CCDC33: variants seen among roughly 807,000 people sequenced by gnomAD.
CCDC33 encodes the protein coiled-coil domain-containing protein 33.
A neutral mutation model predicts 91.9 loss-of-function variants in CCDC33; 94 were observed. The ratio of observed to expected loss-of-function variants is 1.02; its 90% CI spans 0.87 to 1.21. CCDC33 has a LOEUF of 1.21. Ranked by LOEUF, CCDC33 falls within the 50% of genes most tolerant of loss-of-function variation. CCDC33 has a pLI of 0.00. For synonymous variants in CCDC33, 396 were observed against 374.5 expected (o/e 1.06, Z -0.66); for missense variants, 940 against 935.5 (o/e 1.00, Z -0.06).
intron 5 of CCDC33, among the ~76,000 whole-genome samples, chr15:74,271,048 G>C (rs1258370980): frequency 6.6e-6 from 1 of 152,118 alleles, no homozygotes; most frequent in African/African-American, 2.4e-5. Flanking sequence ...CTATGATCCT[G>C]TTCCAAACCA....
chr15:74,223,276 T>C (rs1463639017), intron 2 of CCDC33, among the ~76,000 whole-genome samples: 2 of 152,038 alleles, frequency 1.3e-5, no homozygotes, highest in Non-Finnish European at 2.9e-5. Flanking sequence ...AAAGAGAGGC[T>C]CTAGAAAGCA....
At position 74,218,931 on chromosome 15, in the gene CCDC33, C is replaced by T; in HGVS notation, c.675+70C>T. 1.7e-6 allele frequency: 2 copies of T among 1,186,374 alleles called. No homozygotes were observed. Among genetic ancestry groups the T allele is most frequent in the Non-Finnish European group, 2.1e-6 (2 of 937,642 alleles). The allele number at this position is 1,186,374 out of a possible 1,614,324, so 73.5% of individuals were successfully genotyped here. A position where few individuals can be genotyped will look rare whatever the true frequency, so the allele number is the denominator to read the frequency against. On this transcript the variant is annotated intron_variant, in intron 2 of 2. Transcript: ENST00000635913. The surrounding 1 kb of genome is among the most constrained non-coding windows in gnomAD (Gnocchi z 4.8). ...TACAAGACCCAGCCTCCGTGATAAGCCAGGCTACCCCCTGTCCTGAGCTGA... is the reference window on the plus strand; with the variant it reads ...TACAAGACCCAGCCTCCGTGATAAGTCAGGCTACCCCCTGTCCTGAGCTGA...
chr15:74,271,848 AG>A (rs1249421463), intron 6 of CCDC33, 54 bp downstream of exon 6: 2 of 1,471,062 alleles, frequency 1.4e-6, no homozygotes, highest in African/African-American at 1.4e-5. Context: ...AGGGCAGAGG[AG>A]GGGGTGAGGC....
chr15:74,251,052 G>T (rs774176017), intron 2 of CCDC33, among the ~76,000 whole-genome samples: 4 of 152,218 alleles, frequency 2.6e-5, no homozygotes, highest in Non-Finnish European at 5.9e-5. Flanking sequence ...CTGACTCCCT[G>T]TATGAACTCA....
At chr15:74,289,351 A>G (rs2059542476) in intron 10 of CCDC33, among the ~76,000 whole-genome samples, 1 of 152,206 alleles carries the variant, frequency 6.6e-6, no homozygotes, top group African/African-American at 2.4e-5. Context: ...CAGAATGGGA[A>G]GGGCTGGATG....
At chr15:74,315,249 A>C (rs930847962) in intron 11 of CCDC33, among the ~76,000 whole-genome samples, 2 of 152,188 alleles carry the variant, frequency 1.3e-5, no homozygotes, top group Admixed American at 1.3e-4. Flanking sequence ...CATGGCTATC[A>C]ACATCCTGCG....
At chr15:74,269,502 G>A (rs970631340) in intron 5 of CCDC33, among the ~76,000 whole-genome samples, 2 of 152,032 alleles carry the variant, frequency 1.3e-5, no homozygotes, top group African/African-American at 2.4e-5. Flanking sequence ...TCTGCTCCCC[G>A]CCACCTTCTA....
chr15:74,264,435 A>G (rs1330983689), intron 3 of CCDC33, among the ~76,000 whole-genome samples: 1 of 152,026 alleles, frequency 6.6e-6, no homozygotes. Flanking sequence ...AGCAGGGAGG[A>G]GTGGCTGTCC....
intron 1 of CCDC33, among the ~76,000 whole-genome samples, chr15:74,239,764 G>A (rs2075286901): frequency 6.6e-6 from 1 of 152,196 alleles, no homozygotes; most frequent in Non-Finnish European, 1.5e-5. Flanking sequence ...GCCAAGAGGA[G>A]GCATGAATTC....
At chr15:74,330,884 G>A in intron 13 of CCDC33, 97 bp from the exon 14 acceptor site, 8 of 1,519,626 alleles carry the variant, frequency 5.3e-6, no homozygotes, top group Non-Finnish European at 7.2e-6. Context: ...GACCAGCCTG[G>A]TGGAGGATTC....
chr15:74,253,811 A>G (rs193095758), intron 2 of CCDC33, among the ~76,000 whole-genome samples: 10 of 152,286 alleles, frequency 6.6e-5, no homozygotes, highest in African/African-American at 2.4e-4. Context: ...TGCCCGTCCT[A>G]CTGATCTCTA....
chr15:74,260,068 G>A (rs780736963), intron 2 of CCDC33, among the ~76,000 whole-genome samples: 17 of 152,328 alleles, frequency 1.1e-4, no homozygotes, highest in Middle Eastern at 3.4e-3. Flanking sequence ...GTAGCAGATC[G>A]GGTGGCTGGG....
At chr15:74,295,408 T>C (rs1257773550) in intron 10 of CCDC33, among the ~76,000 whole-genome samples, 1 of 152,210 alleles carries the variant, frequency 6.6e-6, no homozygotes, top group Non-Finnish European at 1.5e-5. Context: ...AGAGTGGGCC[T>C]CTATCTCAAA....
chr15:74,275,407 C>G (rs2076424553), intron 7 of CCDC33, among the ~76,000 whole-genome samples: 3 of 152,242 alleles, frequency 2.0e-5, no homozygotes, highest in Non-Finnish European at 4.4e-5. Flanking sequence ...CCCTCTGAGG[C>G]CAGCCTCACC....
chr15:74,205,766 C>T (rs150762459), intron 1 of CCDC33, among the ~76,000 whole-genome samples: 29 of 152,336 alleles, frequency 1.9e-4, no homozygotes, highest in Non-Finnish European at 3.4e-4. Context: ...ACGGAGAGCC[C>T]AGTGCCAACA....
chr15:74,302,811 C>T (rs1389899564), intron 11 of CCDC33: 1 of 152,836 alleles, frequency 6.5e-6, no homozygotes, highest in African/African-American at 2.4e-5. Flanking sequence ...GCATACTCCC[C>T]CTGCCCAGTC....
At chr15:74,237,910 G>T (rs2075223252) in intron 1 of CCDC33, among the ~76,000 whole-genome samples, 1 of 152,184 alleles carries the variant, frequency 6.6e-6, no homozygotes, top group Non-Finnish European at 1.5e-5. Flanking sequence ...ACTTGGCGAG[G>T]CCGAGGCAGG....
Position 74,295,627 on chromosome 15 carries a change from C to G in CCDC33, c.1096-127C>G, listed in dbSNP as rs1040947436. ...AGGGGCAGATGGTAGGAGGTGTGCA[C>G]GGGCCAGCCATGCAGGGCCTCCTGA... On this transcript the variant is annotated intron_variant, in intron 10 of 18. Transcript: ENST00000398814. The G allele has an allele frequency of 4.1e-6, 3 of 734,690 alleles. No individual in the cohort carries two copies. The East Asian group carries it at 8.0e-5, about 20-fold the overall frequency. The allele number at this position is 734,690 out of a possible 1,614,324, so 45.5% of individuals were successfully genotyped here. A position where few individuals can be genotyped will look rare whatever the true frequency, so the allele number is the denominator to read the frequency against.
At chr15:74,313,527 C>T (rs2060033312) in intron 11 of CCDC33, among the ~76,000 whole-genome samples, 1 of 147,972 alleles carries the variant, frequency 6.8e-6, no homozygotes, top group Non-Finnish European at 1.5e-5. Context: ...TCAAGCGATT[C>T]TCCTGCCTCA....
Sources: gnomAD v4.1 joint callset for allele counts (sites outside exome capture counted in the v4.1 genomes callset) on GRCh38, gnomAD v4.1.1 for gene constraint, Gnocchi (gnomAD v3.1) non-coding constraint, MANE v1.5 for transcripts, NCBI Gene and HGNC (gene_info 2026-07-23, HGNC 2026-07-21) for gene names.